Variants in ERC1 observed in about 807,000 individuals in gnomAD.
ERC1 encodes the protein RAB6 interacting protein 2.
A neutral mutation model predicts 132.0 loss-of-function variants in ERC1; 56 were observed. That is an observed-to-expected ratio of 0.42 (90% CI 0.34 to 0.53). The LOEUF (loss-of-function observed/expected upper bound fraction) is 0.53, where lower values mean the gene tolerates loss of function less well. Ranked by LOEUF, ERC1 falls within the 20% of genes least tolerant of loss-of-function variation. The probability of loss-of-function intolerance (pLI) is 0.03; values close to 1 mark genes in which losing one functional copy is unlikely to be tolerated. For synonymous variants in ERC1, 478 were observed against 476.1 expected (o/e 1.00, Z -0.05); for missense variants, 1,202 against 1,349.9 (o/e 0.89, Z 1.72).
intron 17 of ERC1, among the ~76,000 whole-genome samples, chr12:1,441,428 G>C (rs2093152051): frequency 6.6e-6 from 1 of 152,236 alleles, no homozygotes; most frequent in South Asian, 2.1e-4. Flanking sequence ...GGTTGTAGGA[G>C]TGAGCTAATA....
chr12:1,316,699 G>C (rs1470125379), intron 15 of ERC1, among the ~76,000 whole-genome samples: 2 of 152,180 alleles, frequency 1.3e-5, no homozygotes, highest in African/African-American at 2.4e-5. Flanking sequence ...TCTAGAACCA[G>C]AAATACCATT....
intron 16 of ERC1, among the ~76,000 whole-genome samples, chr12:1,375,873 A>C (rs1177865087): frequency 6.6e-6 from 1 of 150,628 alleles, no homozygotes; most frequent in Non-Finnish European, 1.5e-5. Flanking sequence ...AGTAGCTGGG[A>C]TTATGGGTGC....
chr12:1,345,481 C>G (rs2154364156), intron 15 of ERC1, among the ~76,000 whole-genome samples: 1 of 152,230 alleles, frequency 6.6e-6, no homozygotes, highest in East Asian at 1.9e-4. Context: ...CCACGCCTGG[C>G]CAGAATATTT....
chr12:1,282,089 C>G (rs900709178), intron 14 of ERC1, among the ~76,000 whole-genome samples: 8 of 151,994 alleles, frequency 5.3e-5, no homozygotes, highest in African/African-American at 1.9e-4. Flanking sequence ...TTCTTTCACA[C>G]TGATACGTTT....
intron 15 of ERC1, among the ~76,000 whole-genome samples, chr12:1,353,034 T>C (rs2085165886): frequency 6.7e-6 from 1 of 150,208 alleles, no homozygotes; most frequent in African/African-American, 2.4e-5. Flanking sequence ...TTTTCTTTTT[T>C]TTTTTTTTTT....
chr12:1,190,157 C>A, intron 12 of ERC1, 105 bp downstream of exon 12: 1 of 1,062,088 alleles, frequency 9.4e-7, no homozygotes, highest in South Asian at 1.3e-5. Flanking sequence ...AATTTAGGTT[C>A]TCGAATTCTT....
intron 12 of ERC1, among the ~76,000 whole-genome samples, chr12:1,225,449 T>TAAAAC (rs139203394): frequency 0.014 from 1,808 of 131,814 alleles, 13 homozygotes; most frequent in East Asian, 0.025. Flanking sequence ...GGCTGTCTCT[T>TAAAAC]ACACACACAC....
At chr12:1,108,320 G>T (rs1271514213) in intron 4 of ERC1, among the ~76,000 whole-genome samples, 1 of 152,146 alleles carries the variant, frequency 6.6e-6, no homozygotes. Flanking sequence ...TAAGGGCCTT[G>T]TAGAGACTTT....
intron 2 of ERC1, among the ~76,000 whole-genome samples, chr12:1,072,128 C>T (rs890319075): frequency 6.0e-5 from 9 of 151,202 alleles, no homozygotes; most frequent in Non-Finnish European, 1.3e-4. Flanking sequence ...AGTGTAAAGT[C>T]AGCTGAAGTG....
At position 1,229,497 on chromosome 12, in the gene ERC1, A is replaced by T. The variant is rs111903586; in HGVS notation, c.2352-7272A>T. On this transcript the variant is annotated intron_variant, in intron 12 of 18. Coordinates refer to ENST00000360905, the MANE Select transcript of ERC1 (RefSeq NM_178040.4). ...AACAAAGCAAGAATGAATCTCTTTT[A>T]AAAAAAAAGTCTTCAATTTTGTTGT... 2.0e-3 allele frequency among the ~76,000 whole-genome samples: 299 copies of T among 151,404 alleles called. 1 individual carries two copies. Among genetic ancestry groups the T allele is most frequent in the Middle Eastern group, 6.8e-3 (2 of 294 alleles).
At chr12:1,164,165 G>A (rs1952135683) in intron 8 of ERC1, among the ~76,000 whole-genome samples, 1 of 152,136 alleles carries the variant, frequency 6.6e-6, no homozygotes, top group Non-Finnish European at 1.5e-5. Flanking sequence ...ATTCTTGAAA[G>A]TGGCTTGGAA....
At chr12:1,476,653 GA>G (rs2093980415) in intron 18 of ERC1, among the ~76,000 whole-genome samples, 1 of 152,148 alleles carries the variant, frequency 6.6e-6, no homozygotes, top group Admixed American at 6.5e-5. Flanking sequence ...CAGAGAGTGG[GA>G]AAATGGCACC....
intron 8 of ERC1, among the ~76,000 whole-genome samples, chr12:1,175,432 T>A (rs1324951507): frequency 6.6e-6 from 1 of 150,682 alleles, no homozygotes. Flanking sequence ...TCAGCAATGT[T>A]CACATCATCT....
At chr12:1,007,071 G>A (rs946517298) in intron 1 of ERC1, among the ~76,000 whole-genome samples, 4 of 151,910 alleles carry the variant, frequency 2.6e-5, no homozygotes, top group South Asian at 2.1e-4. Flanking sequence ...CACTGTCTCC[G>A]CCCTCAGGAT....
chr12:1,021,128 A>T (rs1160963384), intron 1 of ERC1, among the ~76,000 whole-genome samples: 1 of 151,934 alleles, frequency 6.6e-6, no homozygotes, highest in Non-Finnish European at 1.5e-5. Flanking sequence ...TTTAGTAGAG[A>T]CGGGGTTTCA....
intron 7 of ERC1, among the ~76,000 whole-genome samples, chr12:1,119,446 G>A (rs1299181621): frequency 1.3e-5 from 2 of 151,510 alleles, no homozygotes; most frequent in Non-Finnish European, 2.9e-5. Flanking sequence ...TCAGACATAG[G>A]CTTGAAAACC....
intron 16 of ERC1, 131 bp from the exon 17 acceptor site, chr12:1,408,018 A>C: frequency 1.6e-6 from 1 of 630,662 alleles, no homozygotes; most frequent in Non-Finnish European, 2.7e-6. Context: ...CAGAAATCCC[A>C]TATTTAGTTT....
At chr12:1,402,246 A>G (rs1190338727) in intron 16 of ERC1, among the ~76,000 whole-genome samples, 1 of 152,166 alleles carries the variant, frequency 6.6e-6, no homozygotes, top group Non-Finnish European at 1.5e-5. Flanking sequence ...TTGAAAATGA[A>G]AAGGCTGGGC....
At chr12:1,410,392 G>C in intron 17 of ERC1, 1 of 1,318,646 alleles carries the variant, frequency 7.6e-7, no homozygotes, top group East Asian at 4.2e-5. Flanking sequence ...CCTGTAGGAT[G>C]AGGAGGAGGG....
Sources: allele counts gnomAD v4.1 joint callset (sites outside exome capture counted in the v4.1 genomes callset), GRCh38; gene constraint gnomAD v4.1.1; transcripts MANE v1.5; gene names NCBI Gene and HGNC (gene_info 2026-07-23, HGNC 2026-07-21).